The following RBFOX2 variants were observed in gnomAD, a reference collection of about 807,000 sequenced individuals.
RBFOX2 encodes RNA binding fox-1 homolog 2, also known as RNA binding protein fox-1 homolog 2.
Under a neutral mutation model 49.1 loss-of-function variants are expected in RBFOX2, and 10 were observed. That is an observed-to-expected ratio of 0.20 (90% CI 0.13 to 0.35). The LOEUF is 0.35. RBFOX2 is among the 10% of genes least tolerant of loss of function. The pLI is 1.00. For synonymous variants in RBFOX2, 183 were observed against 187.4 expected (o/e 0.98, Z 0.19); for missense variants, 323 against 486.9 (o/e 0.66, Z 3.17).
Position 35,809,776 on chromosome 22 carries a change from G to GT in RBFOX2, c.252+3dup. 1 of 1,612,988 alleles carries GT rather than the reference G, an allele frequency of 6.2e-7. No individual in the cohort carries two copies. The highest frequency in any genetic ancestry group is 8.5e-7 in the Non-Finnish European group (1 of 1,179,638). On this transcript the variant is annotated splice_donor_region_variant and intron_variant, in intron 2 of 11. Transcript: ENST00000405409. Reference sequence around the variant, plus strand: ...TTCCATTTTTCACCTCATGGTCCACGTACCGTAAGAGATCCATTTTGTGTG... The same window carrying GT: ...TTCCATTTTTCACCTCATGGTCCACGTTACCGTAAGAGATCCATTTTGTGTG...
At position 35,921,373 on chromosome 22, in the gene RBFOX2, G is replaced by A. The variant is rs187748615; in HGVS notation, c.-34+17474C>T. On this transcript the variant is annotated intron_variant, in intron 1 of 13. Transcript: ENST00000359369. Reference sequence around the variant, plus strand: ...AACAGATTACTGGACCCCATCCTCAGAGTTTCTGATTCAGTAAGTCTGGGG... The same window carrying A: ...AACAGATTACTGGACCCCATCCTCAAAGTTTCTGATTCAGTAAGTCTGGGG... 4.6e-5 allele frequency among the ~76,000 whole-genome samples: 7 copies of A among 152,310 alleles called. No individual in the cohort carries two copies. In the East Asian group the frequency reaches 1.2e-3, roughly 25 times the overall value.
At chr22:36,028,750 G>C (rs2146650199) in exon 1 of RBFOX2, among the ~76,000 whole-genome samples, 1 of 151,870 alleles carries the variant, frequency 6.6e-6, no homozygotes. Flanking sequence ...TCGCACTCCC[G>C]GAGCTCGCCC....
exon 1 of RBFOX2, chr22:36,028,538 G>A: frequency 1.1e-6 from 1 of 873,504 alleles, no homozygotes; most frequent in Non-Finnish European, 1.4e-6. Flanking sequence ...CCCCGCCCCC[G>A]CGTGCGTGCG....
chr22:35,949,513 T>C (rs1172024923), intron 1 of RBFOX2, among the ~76,000 whole-genome samples: 3 of 152,342 alleles, frequency 2.0e-5, no homozygotes, highest in Middle Eastern at 6.8e-3. Flanking sequence ...CATTTTAAAT[T>C]TCCACCGGCA....
intron 1 of RBFOX2, chr22:35,897,803 C>T: frequency 5.3e-6 from 4 of 750,530 alleles, no homozygotes; most frequent in Non-Finnish European, 1.0e-5. Context: ...AACAGCTTTA[C>T]GATAATGGCT....
At chr22:35,947,459 A>C (rs1294327165) in intron 1 of RBFOX2, among the ~76,000 whole-genome samples, 1 of 151,788 alleles carries the variant, frequency 6.6e-6, no homozygotes, top group East Asian at 1.9e-4. Flanking sequence ...ATGTAAAAAA[A>C]AAAGTTACCT....
chr22:35,886,626 G>A (rs113435985), intron 1 of RBFOX2, among the ~76,000 whole-genome samples: 4,954 of 152,292 alleles, frequency 0.033, 119 homozygotes, highest in Non-Finnish European at 0.044. Flanking sequence ...ATACTCTACT[G>A]TGGGTAATCG....
intron 1 of RBFOX2, among the ~76,000 whole-genome samples, chr22:35,823,737 A>C (rs1350960350): frequency 6.6e-6 from 1 of 152,272 alleles, no homozygotes; most frequent in African/African-American, 2.4e-5. Context: ...AAATTAGAGA[A>C]GATTAAAAGG....
chr22:35,912,558 A>G (rs2049951760), intron 1 of RBFOX2, among the ~76,000 whole-genome samples: 1 of 152,238 alleles, frequency 6.6e-6, no homozygotes, highest in Non-Finnish European at 1.5e-5. Flanking sequence ...TTTCACTTAA[A>G]ACAAGGGATG....
chr22:35,897,965 T>G (rs1207877222), intron 1 of RBFOX2: 7 of 773,832 alleles, frequency 9.0e-6, no homozygotes, highest in Non-Finnish European at 1.6e-5. Flanking sequence ...TGGGGAATCT[T>G]CACAAAAACA....
rs1160241662 is a variant in RBFOX2 at position 35,826,342 on chromosome 22, CAAAAAAAAAAA to C, written c.27+13839_27+13849del. 7.6e-3 allele frequency among the ~76,000 whole-genome samples: 470 copies of C among 62,228 alleles called. 1 individual carries two copies. Among genetic ancestry groups the C allele is most frequent in the African/African-American group, 0.023 (432 of 18,526 alleles). 40.8% of individuals were successfully genotyped at this position (62,228 alleles called of 152,430 possible). ...GGGCAACAAGAGCGAAACTCCATCT[CAAAAAAAAAAA>C]AAAAAAAAAATAGAGATAATAATTA... On this transcript the variant is annotated intron_variant, in intron 1 of 11. Coordinates refer to ENST00000405409, the Ensembl canonical transcript of RBFOX2.
At chr22:35,953,890 C>A (rs992477148) in intron 1 of RBFOX2, among the ~76,000 whole-genome samples, 4 of 152,122 alleles carry the variant, frequency 2.6e-5, no homozygotes, top group African/African-American at 9.7e-5. Flanking sequence ...TGCAGTAGAG[C>A]ATATACACAT....
intron 1 of RBFOX2, among the ~76,000 whole-genome samples, chr22:35,944,669 C>T (rs187088129): frequency 6.6e-6 from 1 of 152,248 alleles, no homozygotes; most frequent in African/African-American, 2.4e-5. Context: ...TTAAGAAAGA[C>T]ATCATGCTGC....
intron 1 of RBFOX2, among the ~76,000 whole-genome samples, chr22:35,954,264 C>T (rs1335584534): frequency 6.6e-6 from 1 of 152,086 alleles, no homozygotes; most frequent in East Asian, 1.9e-4. Context: ...GAGATAATAA[C>T]AACACCTACC....
At chr22:36,001,216 C>T (rs1339744972) in intron 1 of RBFOX2, among the ~76,000 whole-genome samples, 4 of 148,056 alleles carry the variant, frequency 2.7e-5, no homozygotes, top group Non-Finnish European at 6.0e-5. Flanking sequence ...CACACACACA[C>T]ACACACACAC....
chr22:35,963,059 CAAAAAAAAAAAAA>C (rs34027896), upstream of RBFOX2, among the ~76,000 whole-genome samples: 401 of 33,610 alleles, frequency 0.012, 10 homozygotes, highest in Middle Eastern at 0.11. Flanking sequence ...AACTCTCCAG[CAAAAAAAAAAAAA>C]AAAAAAAAAA....
At chr22:35,958,959 CTATA>C (rs71810155) in intron 1 of RBFOX2, among the ~76,000 whole-genome samples, 1 of 126,008 alleles carries the variant, frequency 7.9e-6, no homozygotes, top group Non-Finnish European at 1.8e-5. Context: ...ATAGAGAAAA[CTATA>C]TATATATATA....
chr22:35,981,678 A>C (rs2057462672), intron 1 of RBFOX2, among the ~76,000 whole-genome samples: 1 of 152,098 alleles, frequency 6.6e-6, no homozygotes, highest in Admixed American at 6.6e-5. Context: ...AAATTTAAAA[A>C]TATAAGCATT....
intron 1 of RBFOX2, among the ~76,000 whole-genome samples, chr22:35,904,707 T>C (rs761776320): frequency 5.3e-5 from 8 of 152,224 alleles, no homozygotes; most frequent in Non-Finnish European, 1.0e-4. Flanking sequence ...TATAAATTTA[T>C]TCTTCTCAGC....
Sources: allele counts gnomAD v4.1 joint callset (sites outside exome capture counted in the v4.1 genomes callset), GRCh38; gene constraint gnomAD v4.1.1; transcripts MANE v1.5; gene names NCBI Gene and HGNC (gene_info 2026-07-23, HGNC 2026-07-21).